The following EEF1AKMT2 variants were observed in gnomAD, a reference collection of about 807,000 sequenced individuals.
The protein encoded by EEF1AKMT2 is EEF1A lysine methyltransferase 2.
In EEF1AKMT2, 32 loss-of-function variants were observed where a neutral mutation model predicts 35.8. The observed-to-expected ratio is 0.89, with a 90% CI of 0.67 to 1.20. The LOEUF is 1.20. Ranked by LOEUF, EEF1AKMT2 falls within the 50% of genes most tolerant of loss-of-function variation. The probability of loss-of-function intolerance (pLI) is 0.00; values close to 1 mark genes in which losing one functional copy is unlikely to be tolerated. For missense variants in EEF1AKMT2, 330 were observed against 347.5 expected (o/e 0.95, Z 0.40); for synonymous variants, 121 against 133.7 (o/e 0.91, Z 0.65).
chr10:124,767,214 G>T lies in EEF1AKMT2; in HGVS notation c.400-1606C>A, dbSNP rs1166705819. ...AACAAAATAGAAAAGGTCCCTGTAT[G>T]AAAACATACCTTATATTGGCCGGGC... On this transcript the variant is annotated intron_variant, in intron 4 of 6. Transcript: ENST00000368836. Among the ~76,000 whole-genome samples the T allele has an allele frequency of 2.1e-5, 3 of 141,216 alleles. No individual in the cohort carries two copies. The East Asian group carries it at 6.4e-4, about 30-fold the overall frequency. The allele number at this position is 141,216 out of a possible 152,430, so 92.6% of individuals were successfully genotyped here.
At position 124,760,072 on chromosome 10, in the gene EEF1AKMT2, C is replaced by T; in HGVS notation, c.*431G>A. 1 of 261,346 alleles carries T rather than the reference C, an allele frequency of 3.8e-6. No individual in the cohort carries two copies. 16.2% of individuals were successfully genotyped at this position (261,346 alleles called of 1,614,324 possible). On this transcript the variant is annotated 3_prime_UTR_variant, in exon 7 of 7. Coordinates refer to ENST00000368836, the MANE Select transcript of EEF1AKMT2 (RefSeq NM_212554.4). ...ATTCATAAATAGTTATCAACTTTAC[C>T]AAGGCACAAAAATCAAGAATACATG...
rs554839869 is a variant in EEF1AKMT2, at chr10:124,778,553, G to A, written c.292-3771C>T. Among the ~76,000 whole-genome samples, 107 of 151,634 alleles carry A rather than the reference G, an allele frequency of 7.1e-4. 3 individuals are homozygous for A. The South Asian group carries it at 0.021, about 30-fold the overall frequency. On this transcript the variant is annotated intron_variant, in intron 3 of 6. Transcript: ENST00000368836. ...AGCCTGGCCAATATGGTGAAACCCCGTCTCTACTAAAAATACAAAAATTAG... is the reference window on the plus strand; with the variant it reads ...AGCCTGGCCAATATGGTGAAACCCCATCTCTACTAAAAATACAAAAATTAG...
Position 124,765,612 on chromosome 10 carries a change from T to C in EEF1AKMT2, c.400-4A>G, listed in dbSNP as rs773963495. The C allele has an allele frequency of 3.1e-6, 5 of 1,609,262 alleles. No homozygotes were observed. Among genetic ancestry groups the C allele is most frequent in the Admixed American group, 1.7e-5 (1 of 59,738 alleles). ...AGAGATTCAAAAAGTCTTCTACCTA[T>C]ATTAAAAGTCAATGTCTATGTGAGA... On this transcript the variant is annotated splice_region_variant and splice_polypyrimidine_tract_variant and intron_variant, in intron 4 of 6. Coordinates refer to ENST00000368836, the MANE Select transcript of EEF1AKMT2 (RefSeq NM_212554.4).
chr10:124,757,659 G>A (rs1950296747), downstream of EEF1AKMT2, among the ~76,000 whole-genome samples: 1 of 151,648 alleles, frequency 6.6e-6, no homozygotes, highest in Non-Finnish European at 1.5e-5. Flanking sequence ...GTCCACTGAA[G>A]CACATGATTC....
chr10:124,789,918 G>A (rs1230852774), intron 2 of EEF1AKMT2, among the ~76,000 whole-genome samples: 1 of 148,080 alleles, frequency 6.8e-6, no homozygotes, highest in East Asian at 2.0e-4. Context: ...TTGAGATGGA[G>A]TCTCACTCTG....
intron 5 of EEF1AKMT2, among the ~76,000 whole-genome samples, chr10:124,764,769 CATT>C (rs1950362820): frequency 6.6e-6 from 1 of 152,210 alleles, no homozygotes; most frequent in Non-Finnish European, 1.5e-5. Flanking sequence ...CTTCCATTTG[CATT>C]ATTATGGATT....
At chr10:124,764,819 T>C (rs74160955) in intron 5 of EEF1AKMT2, among the ~76,000 whole-genome samples, 2,286 of 152,322 alleles carry the variant, frequency 0.015, 67 homozygotes, top group African/African-American at 0.052. Flanking sequence ...AGAAGCACAA[T>C]ATATGTGCTT....
At chr10:124,762,866 A>G (rs927137302) in intron 5 of EEF1AKMT2, among the ~76,000 whole-genome samples, 9 of 152,180 alleles carry the variant, frequency 5.9e-5, no homozygotes, top group African/African-American at 1.9e-4. Context: ...AATGCTCTGG[A>G]TATTTAATAA....
chr10:124,772,006 G>A (rs968244504), intron 4 of EEF1AKMT2, among the ~76,000 whole-genome samples: 2 of 152,170 alleles, frequency 1.3e-5, no homozygotes, highest in Non-Finnish European at 2.9e-5. Flanking sequence ...AAAATACTCA[G>A]TAAACCATAC....
At chr10:124,781,923 A>G (rs1253583711) in intron 3 of EEF1AKMT2, among the ~76,000 whole-genome samples, 1 of 152,206 alleles carries the variant, frequency 6.6e-6, no homozygotes, top group Non-Finnish European at 1.5e-5. Flanking sequence ...TACAACATAA[A>G]GGTGAAAGAT....
chr10:124,779,096 AT>A (rs1950513960), intron 3 of EEF1AKMT2, among the ~76,000 whole-genome samples: 1 of 152,086 alleles, frequency 6.6e-6, no homozygotes, highest in South Asian at 2.1e-4. Flanking sequence ...AAAAAAAAAA[AT>A]CTAATAAAAA....
chr10:124,789,197 G>T, intron 2 of EEF1AKMT2, 40 bp from the exon 3 acceptor site: 1 of 1,362,850 alleles, frequency 7.3e-7, no homozygotes, highest in Non-Finnish European at 1.0e-6. Context: ...GGGATACAGA[G>T]CAAAAGTCAC....
intron 3 of EEF1AKMT2, among the ~76,000 whole-genome samples, chr10:124,782,639 C>T (rs1021558658): frequency 8.7e-5 from 13 of 149,456 alleles, no homozygotes; most frequent in Non-Finnish European, 1.6e-4. Context: ...GGGCGAAACC[C>T]CGTCTGTACT....
At chr10:124,760,626 T>A (rs1179510456) in intron 6 of EEF1AKMT2, 123 bp from the exon 7 acceptor site, 17 of 715,330 alleles carry the variant, frequency 2.4e-5, no homozygotes, top group Non-Finnish European at 4.6e-6. Flanking sequence ...AACTCTAAAT[T>A]GTGCTGAATT....
At chr10:124,783,136 C>CATT (rs1564908859) in intron 3 of EEF1AKMT2, among the ~76,000 whole-genome samples, 2 of 131,886 alleles carry the variant, frequency 1.5e-5, no homozygotes, top group Non-Finnish European at 3.2e-5. Context: ...TAGGGAAAAA[C>CATT]CTTTTTTTTT....
At chr10:124,775,207 G>A (rs772665338) in intron 3 of EEF1AKMT2, among the ~76,000 whole-genome samples, 3 of 152,152 alleles carry the variant, frequency 2.0e-5, no homozygotes, top group East Asian at 3.8e-4. Flanking sequence ...TCCCTTCAGT[G>A]TAATTATACA....
intron 3 of EEF1AKMT2, among the ~76,000 whole-genome samples, chr10:124,783,136 C>CA (rs1564908859): frequency 1.8e-4 from 24 of 131,938 alleles, no homozygotes; most frequent in Non-Finnish European, 2.7e-4. Context: ...TAGGGAAAAA[C>CA]CTTTTTTTTT....
At chr10:124,769,248 A>ATATATATATATATATATG (rs60863408) in intron 4 of EEF1AKMT2, among the ~76,000 whole-genome samples, 64 of 63,806 alleles carry the variant, frequency 1.0e-3, no homozygotes, top group African/African-American at 3.2e-3. Context: ...ATATATATAT[A>ATATATATATATATATATG]TGTGTGTATA....
intron 2 of EEF1AKMT2, among the ~76,000 whole-genome samples, 172 bp downstream of exon 2, chr10:124,790,101 G>A (rs1366609363): frequency 1.3e-5 from 2 of 151,970 alleles, no homozygotes; most frequent in East Asian, 3.9e-4. Flanking sequence ...CACCATGTCG[G>A]CCAGGATGGT....
Sources: allele counts gnomAD v4.1 joint callset (sites outside exome capture counted in the v4.1 genomes callset), GRCh38; gene constraint gnomAD v4.1.1; transcripts MANE v1.5; gene names NCBI Gene and HGNC (gene_info 2026-07-23, HGNC 2026-07-21).